ZNF404: variants seen among roughly 807,000 people sequenced by gnomAD.
ZNF404 encodes zinc finger protein 404.
In ZNF404, 7 loss-of-function variants were observed where a neutral mutation model predicts 7.3. The ratio of observed to expected loss-of-function variants is 0.95; its 90% CI spans 0.54 to 1.79. The LOEUF (loss-of-function observed/expected upper bound fraction) is 1.79, where lower values mean the gene tolerates loss of function less well. Among genes scored for constraint, ZNF404 ranks in the 40% most tolerant of loss-of-function variants. The pLI, the probability that ZNF404 is intolerant of heterozygous loss-of-function variation, is 0.00. For missense variants in ZNF404, 560 were observed against 661.5 expected, an observed-to-expected ratio of 0.85 and a Z score of 1.68; for synonymous variants, 191 against 209.9, an observed-to-expected ratio of 0.91 and a Z score of 0.78.
intron 2 of ZNF404, among the ~76,000 whole-genome samples, chr19:43,876,892 T>A (rs1213430651): frequency 6.6e-6 from 1 of 152,132 alleles, no homozygotes; most frequent in East Asian, 1.9e-4. Flanking sequence ...AATACCTGAC[T>A]AGTACTCTTC....
At chr19:43,883,816 TCACTGGAA>T in intron 1 of ZNF404, 132 bp downstream of exon 1, 1 of 816,714 alleles carries the variant, frequency 1.2e-6, no homozygotes, top group East Asian at 2.7e-5. Context: ...ACATCATCCA[TCACTGGAA>T]TGGGAGGAAT....
In ZNF404 at chr19:43,872,656, C is replaced by G; in HGVS notation, c.1558G>C (p.Val520Leu). Reference sequence around the variant, plus strand: ...CATTCTTTGCATTTCTGTGGTTTCACACCAGTATGAATTGTCTCATGTTGA... The same window carrying G: ...CATTCTTTGCATTTCTGTGGTTTCAGACCAGTATGAATTGTCTCATGTTGA... ...LTQHETIHTG[V>L]KPQKCKECGK... Residue 520 changes from valine to leucine, a missense_variant, in exon 3 of 3, where the codon GTG becomes CTG. Val to Leu is a conservative substitution (Grantham distance 32). Coordinates refer to ENST00000587539, the MANE Select transcript of ZNF404 (RefSeq NM_001033719.3). The surrounding 1 kb of genome is among the most constrained non-coding windows in gnomAD (Gnocchi z 4.4). 1 of 1,613,118 alleles carries G rather than the reference C, an allele frequency of 6.2e-7. No individual in the cohort carries two copies. Among genetic ancestry groups the G allele is most frequent in the Non-Finnish European group, 8.5e-7 (1 of 1,179,506 alleles).
In ZNF404 at chr19:43,874,070, A is replaced by G; in HGVS notation, c.144T>C (p.Asn48=). 6.4e-7 allele frequency: 1 copy of G among 1,559,124 alleles called. No individual in the cohort carries two copies. Among genetic ancestry groups the G allele is most frequent in the African/African-American group, 1.4e-5 (1 of 72,496 alleles). The change falls in exon 3 of 3, where the codon AAT becomes AAC. Residue 48 remains asparagine, a synonymous_variant. Transcript: ENST00000587539. ...NYTNLVSLDF[N]FTTESNKLSS... ...ATAACTTGTTGCTTTCAGTTGTGAA[A>G]TTAAAGTCTGGAAGAAAATGAAAAA...
At position 43,873,673 on chromosome 19, in the gene ZNF404, G is replaced by A. The variant is rs551352059; in HGVS notation, c.541C>T (p.His181Tyr). 6.2e-7 allele frequency: 1 copy of A among 1,613,182 alleles called. No individual in the cohort carries two copies. Among genetic ancestry groups the A allele is most frequent in the East Asian group, 2.2e-5 (1 of 44,862 alleles). The change falls in exon 3 of 3, where the codon CAC (histidine) becomes TAC (tyrosine). Residue 181 changes from histidine to tyrosine, a missense_variant. Coordinates refer to ENST00000587539, the MANE Select transcript of ZNF404 (RefSeq NM_001033719.3). ...FQHFIRHRKI[H>Y]TDLKPYECNG... ...CATTCATAGGGTTTCAAATCAGTGT[G>A]GATTTTTCGATGTCTAATAAAATGC...
At position 43,872,838 on chromosome 19, in the gene ZNF404, G is replaced by T. The variant is rs746283014; in HGVS notation, c.1376C>A (p.Thr459Lys). ...RLNSQLIYHQTIHTGLKPYVC... is the reference protein window; with the variant it reads ...RLNSQLIYHQKIHTGLKPYVC... The stretch of plus-strand genomic sequence containing the variant: ...ATAGGGTTTCAAACCAGTATGAATT[G>T]TCTGATGATAAATTAGTTGAGAATT... The change falls in exon 3 of 3, where the codon ACA (threonine) becomes AAA (lysine). Residue 459 changes from threonine to lysine, a missense_variant. Physicochemically the swap from Thr to Lys is moderately conservative, Grantham distance 78. Coordinates refer to ENST00000587539, the MANE Select transcript of ZNF404 (RefSeq NM_001033719.3). The surrounding 1 kb of genome is among the most constrained non-coding windows in gnomAD (Gnocchi z 4.4). The T allele has an allele frequency of 6.2e-7, 1 of 1,609,522 alleles. No individual in the cohort carries two copies. The highest frequency in any genetic ancestry group is 1.7e-5 in the Admixed American group (1 of 59,218).
At chr19:43,874,939 G>A (rs1489076357) in intron 2 of ZNF404, among the ~76,000 whole-genome samples, 1 of 152,096 alleles carries the variant, frequency 6.6e-6, no homozygotes, top group Non-Finnish European at 1.5e-5. Flanking sequence ...ATGTAAACTG[G>A]ATGAAAATAA....
chr19:43,873,226 T>C lies in ZNF404; in HGVS notation c.988A>G (p.Met330Val). ...SHTGEKPHEC[M>V]ECGKAFGKGS... ...TTACCAAAAGCCTTTCCACATTCCA[T>C]GCATTCATGAGGTTTCTCACCAGTA... Residue 330 changes from methionine (M) to valine (V), a missense_variant, in exon 3 of 3, where the codon ATG becomes GTG. Transcript: ENST00000587539. The C allele has an allele frequency of 1.2e-6, 2 of 1,613,626 alleles. No individual in the cohort carries two copies. The highest frequency in any genetic ancestry group is 1.7e-6 in the Non-Finnish European group (2 of 1,179,624).
chr19:43,874,216 C>A, intron 2 of ZNF404, 139 bp from the exon 3 acceptor site: 2 of 644,052 alleles, frequency 3.1e-6, no homozygotes, highest in Non-Finnish European at 4.9e-6. Flanking sequence ...TAAAGTACTG[C>A]CATGCAATTT....
rs528116104 is a variant in ZNF404, at chr19:43,874,183, T to C, written c.137-106A>G. On this transcript the variant is annotated intron_variant, in intron 2 of 2. Coordinates refer to ENST00000587539, the MANE Select transcript of ZNF404 (RefSeq NM_001033719.3). The stretch of plus-strand genomic sequence containing the variant: ...ATAAACTAAAAAGTGTATCTGTTAG[T>C]AATAAAAGAGTTTAGAAAATTCTAA... The C allele has an allele frequency of 1.9e-5, 16 of 830,448 alleles. No individual in the cohort carries two copies. In the Admixed American group the frequency reaches 5.5e-4, roughly 29 times the overall value. 51.4% of individuals were successfully genotyped at this position (830,448 alleles called of 1,614,324 possible). A position where few individuals can be genotyped will look rare whatever the true frequency, so the allele number is the denominator to read the frequency against.
chr19:43,873,341 T>C lies in ZNF404; in HGVS notation c.873A>G (p.Lys291=). Residue 291 remains lysine (K), a synonymous_variant, in exon 3 of 3, where the codon AAA becomes AAG. Transcript: ENST00000587539. ...GHRSSLYQHK[K]IHSGEKPYKC... is the part of the protein sequence containing the mutation. The stretch of plus-strand genomic sequence containing the variant: ...TATATGGTTTCTCACCAGAATGAAT[T>C]TTCTTATGTTGGTAAAGACTTGAAC... The C allele has an allele frequency of 6.2e-7, 1 of 1,613,262 alleles. No individual in the cohort carries two copies. Among genetic ancestry groups the C allele is most frequent in the Non-Finnish European group, 8.5e-7 (1 of 1,179,540 alleles).
In ZNF404 at chr19:43,872,439, T is replaced by C; in HGVS notation, c.*116A>G. 1.4e-6 allele frequency: 1 copy of C among 705,278 alleles called. No homozygotes were observed. The highest frequency in any genetic ancestry group is 2.2e-6 in the Non-Finnish European group (1 of 461,238). The allele number at this position is 705,278 out of a possible 1,614,324, so 43.7% of individuals were successfully genotyped here. A position where few individuals can be genotyped will look rare whatever the true frequency, so the allele number is the denominator to read the frequency against. Reference sequence around the variant, plus strand: ...TAATGTATTTAGTAAGCAAATACGATGTGCCAGATGCCTTTCCAAGTATTT... The same window carrying C: ...TAATGTATTTAGTAAGCAAATACGACGTGCCAGATGCCTTTCCAAGTATTT... On this transcript the variant is annotated 3_prime_UTR_variant, in exon 3 of 3. Coordinates refer to ENST00000587539, the MANE Select transcript of ZNF404 (RefSeq NM_001033719.3). The surrounding 1 kb of genome is among the most constrained non-coding windows in gnomAD (Gnocchi z 4.4).
chr19:43,879,714 T>C (rs1166146558), intron 2 of ZNF404, among the ~76,000 whole-genome samples: 2 of 152,230 alleles, frequency 1.3e-5, no homozygotes. Flanking sequence ...TTGCTGATAG[T>C]GTCTTTGCAG....
rs569090878 is a variant in ZNF404 at position 43,873,639 on chromosome 19, C to T, written c.575G>A (p.Cys192Tyr). The T allele has an allele frequency of 1.8e-5, 29 of 1,613,288 alleles. No individual in the cohort carries two copies. In the South Asian group the frequency reaches 2.0e-4, roughly 11 times the overall value. The change falls in exon 3 of 3, where the codon TGT (cysteine) becomes TAT (tyrosine). Residue 192 changes from cysteine (C) to tyrosine (Y), a missense_variant. By Grantham distance (194) the Cys-to-Tyr change is radical. Transcript: ENST00000587539. Reference protein sequence around the residue: ...TDLKPYECNGCEKAFRFYSQL... With the variant: ...TDLKPYECNGYEKAFRFYSQL... ...TGAATAAAACCTAAAGGCCTTCTCA[C>T]ATCCATTGCATTCATAGGGTTTCAA...
rs1568436240 is a variant in ZNF404, at chr19:43,873,995, C to T, written c.219G>A (p.Trp73Ter). 6.2e-7 allele frequency: 1 copy of T among 1,611,974 alleles called. No homozygotes were observed. Among genetic ancestry groups the T allele is most frequent in the African/African-American group, 1.3e-5 (1 of 74,896 alleles). ...TAAGGTTGAAGGTTTTATTTCTTTT[C>T]CATGTCTCCTGATGGTACGCATTTA... ...YEVNAYHQET[W>*]KRNKTFNLMR... The change falls in exon 3 of 3, where the codon TGG becomes TGA. Residue 73 changes from tryptophan (W) to a stop codon, truncating the protein, a stop_gained. Coordinates refer to ENST00000587539, the MANE Select transcript of ZNF404 (RefSeq NM_001033719.3). LOFTEE classifies it low-confidence loss of function (END_TRUNC).
In ZNF404 at chr19:43,873,825, G is replaced by T; in HGVS notation, c.389C>A (p.Ser130Ter). The change falls in exon 3 of 3, where the codon TCA becomes TAA. Residue 130 changes from serine (S) to a stop codon, truncating the protein, a stop_gained. Transcript: ENST00000587539. LOFTEE classifies it low-confidence loss of function (END_TRUNC). ...LHKRNNTREKSYECKEYKKGF... is the reference protein window; with the variant it reads ...LHKRNNTREK ...CTTCTTATATTCCTTACACTCATAT[G>T]ATTTCTCTCTTGTGTTATTTCTCTT... 6.2e-7 allele frequency: 1 copy of T among 1,602,078 alleles called. No homozygotes were observed. Among genetic ancestry groups the T allele is most frequent in the South Asian group, 1.1e-5 (1 of 91,048 alleles).
chr19:43,872,415 AATGT>A lies in ZNF404; in HGVS notation c.*136_*139del. On this transcript the variant is annotated 3_prime_UTR_variant, in exon 3 of 3. Transcript: ENST00000587539. The surrounding 1 kb of genome is among the most constrained non-coding windows in gnomAD (Gnocchi z 4.4). The stretch of plus-strand genomic sequence containing the variant: ...TAATTCTAACAATTATCATAAAAAT[AATGT>A]ATTTAGTAAGCAAATACGATGTGCC... 1.8e-6 allele frequency: 1 copy of A among 567,518 alleles called. No homozygotes were observed. The highest frequency in any genetic ancestry group is 3.1e-5 in the East Asian group (1 of 32,470). The allele number at this position is 567,518 out of a possible 1,614,324, so 35.2% of individuals were successfully genotyped here.
At chr19:43,875,022 C>G (rs1174732858) in intron 2 of ZNF404, among the ~76,000 whole-genome samples, 1 of 152,110 alleles carries the variant, frequency 6.6e-6, no homozygotes, top group African/African-American at 2.4e-5. Flanking sequence ...TATCAGGTAT[C>G]TCTCCCTGAC....
intron 1 of ZNF404, among the ~76,000 whole-genome samples, chr19:43,881,957 C>CA (rs56324784): frequency 1.4e-3 from 155 of 111,082 alleles, no homozygotes; most frequent in South Asian, 4.2e-3. Context: ...AACTCTGTCT[C>CA]AAAAAAAAAA....
In ZNF404 at chr19:43,872,621, G is replaced by C. The variant is rs1971819011; in HGVS notation, c.1593C>G (p.Ala531=). 1 of 1,612,036 alleles carries C rather than the reference G, an allele frequency of 6.2e-7. No homozygotes were observed. Among genetic ancestry groups the C allele is most frequent in the Non-Finnish European group, 8.5e-7 (1 of 1,178,970 alleles). The change falls in exon 3 of 3, where the codon GCC becomes GCG. Residue 531 remains alanine (A), a synonymous_variant. Coordinates refer to ENST00000587539, the MANE Select transcript of ZNF404 (RefSeq NM_001033719.3). The surrounding 1 kb of genome is among the most constrained non-coding windows in gnomAD (Gnocchi z 4.4). The part of the protein sequence containing the change: ...KPQKCKECGK[A]FSHCYQLSQH... ...GACTAAGTTGATAGCAATGACTAAA[G>C]GCCTTACCACATTCTTTGCATTTCT...
Sources: gnomAD v4.1 joint callset for allele counts (sites outside exome capture counted in the v4.1 genomes callset) on GRCh38, gnomAD v4.1.1 for gene constraint, Gnocchi (gnomAD v3.1) non-coding constraint, MANE v1.5 for transcripts, NCBI Gene and HGNC (gene_info 2026-07-23, HGNC 2026-07-21) for gene names.